The following OCA2 variants were observed in gnomAD, a reference collection of about 807,000 sequenced individuals.
The protein encoded by OCA2 is P protein.
A neutral mutation model predicts 100.2 loss-of-function variants in OCA2; 77 were observed. The observed-to-expected ratio is 0.77, with a 90% CI of 0.64 to 0.93. OCA2 has a LOEUF of 0.93. Among genes scored for constraint, OCA2 ranks in the 40% least tolerant of loss-of-function variants. OCA2 has a pLI of 0.00. For missense variants in OCA2, 1,062 were observed against 1,089.1 expected (o/e 0.98, Z 0.35); for synonymous variants, 432 against 439.2 (o/e 0.98, Z 0.21).
intron 19 of OCA2, among the ~76,000 whole-genome samples, chr15:27,877,791 C>T (rs1473013677): frequency 6.6e-6 from 1 of 151,962 alleles, no homozygotes; most frequent in Non-Finnish European, 1.5e-5. Context: ...ACTTCCTTAT[C>T]TGCTTTCTCA....
chr15:27,780,674 CA>C (rs1376418708), intron 23 of OCA2, among the ~76,000 whole-genome samples: 1 of 152,188 alleles, frequency 6.6e-6, no homozygotes, highest in Non-Finnish European at 1.5e-5. Flanking sequence ...TGTGCTTCTC[CA>C]AGGGTTGGAT....
chr15:28,088,350 G>A (rs533411451), intron 1 of OCA2, among the ~76,000 whole-genome samples: 3 of 152,312 alleles, frequency 2.0e-5, no homozygotes, highest in Admixed American at 2.0e-4. Flanking sequence ...GAGAGGTAAA[G>A]GATGTAAAAG....
Position 27,957,551 on chromosome 15 carries a change from A to C in OCA2, c.1784+37T>G. 6.2e-7 allele frequency: 1 copy of C among 1,610,414 alleles called. No homozygotes were observed. ...GTAGGCCCATGGAATGTTCTGCTGC[A>C]CACCAAGCACAGTCTGAGCAGGACC... On this transcript the variant is annotated intron_variant, in intron 16 of 23. Transcript: ENST00000354638. The surrounding 1 kb of genome is among the most constrained non-coding windows in gnomAD (Gnocchi z 4.3).
chr15:28,013,643 G>T (rs2042302001), intron 9 of OCA2, among the ~76,000 whole-genome samples: 1 of 152,080 alleles, frequency 6.6e-6, no homozygotes, highest in Admixed American at 6.5e-5. Context: ...GGAGGGAGGG[G>T]CGTGCTCTGT....
At chr15:27,730,778 T>TATAG in the OCA2 span, among the ~76,000 whole-genome samples, 1 of 118,710 alleles carries the variant, frequency 8.4e-6, no homozygotes, top group Non-Finnish European at 1.7e-5. Flanking sequence ...TATATATATA[T>TATAG]GTTTTTTTTT....
At chr15:27,968,199 C>G (rs192797273) in intron 14 of OCA2, among the ~76,000 whole-genome samples, 21 of 152,368 alleles carry the variant, frequency 1.4e-4, no homozygotes, top group Non-Finnish European at 2.8e-4. Flanking sequence ...TGTGCAGGCA[C>G]CTCCTGAGCC....
At chr15:28,007,284 A>T (rs764601700) in intron 9 of OCA2, among the ~76,000 whole-genome samples, 19 of 152,360 alleles carry the variant, frequency 1.2e-4, no homozygotes, top group Non-Finnish European at 2.1e-4. Context: ...TTTTAATTTT[A>T]TACAGTATAA....
intron 19 of OCA2, among the ~76,000 whole-genome samples, chr15:27,873,814 C>T (rs28485427): frequency 0.092 from 14,039 of 152,170 alleles, 1,459 homozygotes; most frequent in African/African-American, 0.25. Context: ...AATACAAATA[C>T]ACTCTTTTAC....
chr15:27,978,556 C>A (rs934110264), intron 14 of OCA2, among the ~76,000 whole-genome samples: 1 of 152,114 alleles, frequency 6.6e-6, no homozygotes, highest in African/African-American at 2.4e-5. Flanking sequence ...TAGAAATATT[C>A]TTTGCTCTGC....
chr15:27,738,914 G>A, the OCA2 span, among the ~76,000 whole-genome samples: 1 of 152,256 alleles, frequency 6.6e-6, no homozygotes, highest in African/African-American at 2.4e-5. Flanking sequence ...AAGGCATCAA[G>A]GTTAAGCATC....
intron 23 of OCA2, among the ~76,000 whole-genome samples, chr15:27,809,179 T>A (rs2033979124): frequency 6.6e-6 from 1 of 152,248 alleles, no homozygotes; most frequent in Admixed American, 6.5e-5. Flanking sequence ...ACCTCCATTT[T>A]GGACAATGCT....
chr15:27,987,729 A>T (rs1024445732), intron 11 of OCA2, among the ~76,000 whole-genome samples: 1 of 148,354 alleles, frequency 6.7e-6, no homozygotes, highest in African/African-American at 2.6e-5. Context: ...CTCTGTCTCA[A>T]AAAAAAAAGT....
intron 23 of OCA2, among the ~76,000 whole-genome samples, chr15:27,795,817 G>A (rs1413477865): frequency 3.9e-5 from 6 of 152,196 alleles, no homozygotes; most frequent in Admixed American, 3.9e-4. Context: ...GCCACTCTTA[G>A]CGGTATGTCT....
intron 2 of OCA2, among the ~76,000 whole-genome samples, chr15:28,064,979 T>C (rs777522289): frequency 1.3e-5 from 2 of 152,124 alleles, no homozygotes; most frequent in African/African-American, 4.8e-5. Flanking sequence ...AAACTATTTT[T>C]CCAAGGACTG....
chr15:27,785,954 A>G (rs982469883), intron 23 of OCA2, among the ~76,000 whole-genome samples: 8 of 152,218 alleles, frequency 5.3e-5, no homozygotes, highest in Admixed American at 2.0e-4. Context: ...ATGCACCTCA[A>G]AAGCATTACG....
At chr15:28,025,384 G>T (rs2042719062) in intron 4 of OCA2, among the ~76,000 whole-genome samples, 1 of 152,314 alleles carries the variant, frequency 6.6e-6, no homozygotes, top group Admixed American at 6.5e-5. Context: ...AGTCTGTTAA[G>T]AATTCCTTAG....
At chr15:27,885,497 C>A (rs548824340) in intron 19 of OCA2, among the ~76,000 whole-genome samples, 3 of 152,182 alleles carry the variant, frequency 2.0e-5, no homozygotes, top group African/African-American at 7.2e-5. Flanking sequence ...CCTAACACTG[C>A]TGAGAAATAA....
chr15:27,877,292 G>T (rs557766561), intron 19 of OCA2, among the ~76,000 whole-genome samples: 2 of 151,906 alleles, frequency 1.3e-5, no homozygotes, highest in Non-Finnish European at 1.5e-5. Context: ...TGACAAGATT[G>T]AATTCTGTGG....
rs553682223 is a variant in OCA2 at position 27,759,355 on chromosome 15, G to A, written c.2433-3883C>T. On this transcript the variant is annotated intron_variant, in intron 23 of 23. Coordinates refer to ENST00000354638, the MANE Select transcript of OCA2 (RefSeq NM_000275.3). ...AGAAGGAATCTTGGAGTATCAGGAA[G>A]GAATAACAAAATAAAGAGCAAATGT... Among the ~76,000 whole-genome samples, 163 of 152,098 alleles carry A rather than the reference G, an allele frequency of 1.1e-3. 1 individual carries two copies. The highest frequency in any genetic ancestry group is 3.7e-3 in the African/African-American group (153 of 41,522).
Sources: allele counts gnomAD v4.1 joint callset (sites outside exome capture counted in the v4.1 genomes callset), GRCh38; gene constraint gnomAD v4.1.1; non-coding constraint Gnocchi (gnomAD v3.1); transcripts MANE v1.5; gene names NCBI Gene and HGNC (gene_info 2026-07-23, HGNC 2026-07-21).